HECW1: variants seen among roughly 807,000 people sequenced by gnomAD.
HECW1 encodes the protein E3 ubiquitin-protein ligase HECW1.
Under a neutral mutation model 182.3 loss-of-function variants are expected in HECW1, and 61 were observed. The ratio of observed to expected loss-of-function variants is 0.33; its 90% CI spans 0.27 to 0.41. The LOEUF is 0.41. Ranked by LOEUF, HECW1 falls within the 10% of genes least tolerant of loss-of-function variation. HECW1 has a pLI of 1.00. For missense variants in HECW1, 1,739 were observed against 2,108.9 expected (o/e 0.82, Z 3.44); for synonymous variants, 859 against 832.6 (o/e 1.03, Z -0.55).
chr7:43,146,188 A>G (rs1458180876), intron 2 of HECW1, among the ~76,000 whole-genome samples: 1 of 152,110 alleles, frequency 6.6e-6, no homozygotes. Context: ...TTTCTGTGGT[A>G]TTGGATTTAG....
At chr7:43,396,936 A>G (rs1231437147) in intron 7 of HECW1, 47 bp downstream of exon 7, 7 of 1,368,992 alleles carry the variant, frequency 5.1e-6, no homozygotes, top group Non-Finnish European at 4.2e-6. Context: ...AAGAATGTCA[A>G]CCAAGAGTGA....
At chr7:43,415,894 A>C (rs1388426491) in intron 8 of HECW1, among the ~76,000 whole-genome samples, 2 of 127,450 alleles carry the variant, frequency 1.6e-5, no homozygotes, top group Non-Finnish European at 3.3e-5. Flanking sequence ...TCCTTTAAGC[A>C]CTTCTCTGTA....
intron 17 of HECW1, chr7:43,484,196 G>C (rs533862775): frequency 4.3e-4 from 65 of 152,416 alleles, no homozygotes; most frequent in African/African-American, 1.5e-3. Context: ...TTCCAGCTGT[G>C]TGATTCTCAG....
intron 17 of HECW1, among the ~76,000 whole-genome samples, chr7:43,483,925 G>C (rs2078532555): frequency 6.6e-6 from 1 of 152,066 alleles, no homozygotes; most frequent in Non-Finnish European, 1.5e-5. Flanking sequence ...TTCGAGAGAG[G>C]CCTGCTAGAG....
intron 4 of HECW1, among the ~76,000 whole-genome samples, chr7:43,319,251 G>T (rs1809728380): frequency 6.6e-6 from 1 of 151,402 alleles, no homozygotes. Flanking sequence ...GCCGGGCGCG[G>T]TGGCGGGCGC....
chr7:43,305,727 CA>C (rs1807469893), intron 3 of HECW1, among the ~76,000 whole-genome samples: 4 of 151,654 alleles, frequency 2.6e-5, no homozygotes, highest in Admixed American at 2.6e-4. Flanking sequence ...ACAGCTTCAG[CA>C]GCTGCGATTA....
At chr7:43,115,841 G>T (rs538378834) in intron 2 of HECW1, among the ~76,000 whole-genome samples, 6 of 152,276 alleles carry the variant, frequency 3.9e-5, no homozygotes, top group African/African-American at 1.2e-4. Flanking sequence ...TGTTCATAGA[G>T]CTAAGATAGC....
chr7:43,360,525 G>T (rs544306224), intron 5 of HECW1, among the ~76,000 whole-genome samples: 12 of 152,144 alleles, frequency 7.9e-5, no homozygotes, highest in Non-Finnish European at 1.6e-4. Flanking sequence ...TAATCACAAT[G>T]AATTAAATAA....
chr7:43,168,662 A>AAAT (rs1196339674), intron 2 of HECW1, among the ~76,000 whole-genome samples: 50 of 152,248 alleles, frequency 3.3e-4, no homozygotes, highest in Non-Finnish European at 5.6e-4. Context: ...CCTGTCTCCA[A>AAAT]AATAATAATA....
chr7:43,320,695 G>A lies in HECW1; in HGVS notation c.413G>A (p.Arg138Gln), dbSNP rs367924457. 1.8e-5 allele frequency: 29 copies of A among 1,613,964 alleles called. No homozygotes were observed. Among genetic ancestry groups the A allele is most frequent in the Admixed American group, 3.3e-5 (2 of 60,000 alleles). The change falls in exon 5 of 30, where the codon CGG becomes CAG. Residue 138 changes from arginine (R) to glutamine (Q), a missense_variant. Physicochemically the swap from Arg to Gln is conservative, Grantham distance 43. Around this residue, in one of 5 missense-constraint regions of HECW1, gnomAD observed 279 missense variants for 353.1 expected, o/e 0.79. Transcript: ENST00000395891. ...YKNRGVNGSHRGQIIWKIDAS... is the reference protein window; with the variant it reads ...YKNRGVNGSHQGQIIWKIDAS... ...AACCGTGGAGTCAATGGTTCTCATC[G>A]GGGCCAGATCATCTGGAAGATCGAT...
intron 3 of HECW1, among the ~76,000 whole-genome samples, chr7:43,299,361 A>T (rs1806451620): frequency 6.6e-6 from 1 of 152,182 alleles, no homozygotes; most frequent in African/African-American, 2.4e-5. Context: ...TGTATCAGAG[A>T]CAAGCTTAGG....
rs2074291041 is a variant in HECW1 at position 43,375,632 on chromosome 7, C to T, written c.555+14652C>T. Among the ~76,000 whole-genome samples the T allele has an allele frequency of 4.6e-5, 7 of 152,174 alleles. No homozygotes were observed. The South Asian group carries it at 1.5e-3, about 32-fold the overall frequency. On this transcript the variant is annotated intron_variant, in intron 6 of 29. Transcript: ENST00000395891. ...GCTCCAGGCCAGGCATGGTGGCTCA[C>T]CAATAATCCCAGCAGTTTGGGAGGC...
At chr7:43,140,941 T>C (rs1007122930) in intron 2 of HECW1, among the ~76,000 whole-genome samples, 39 of 152,170 alleles carry the variant, frequency 2.6e-4, no homozygotes, top group African/African-American at 9.4e-4. Context: ...GGGTCCCTTC[T>C]TCCTAGGACA....
chr7:43,319,908 C>T (rs991006978), intron 4 of HECW1, among the ~76,000 whole-genome samples: 3 of 151,614 alleles, frequency 2.0e-5, no homozygotes, highest in African/African-American at 7.3e-5. Flanking sequence ...CCACTGCACC[C>T]CGCCTCCTTT....
At chr7:43,460,934 T>C (rs1192371839) in intron 13 of HECW1, among the ~76,000 whole-genome samples, 1 of 152,218 alleles carries the variant, frequency 6.6e-6, no homozygotes, top group Non-Finnish European at 1.5e-5. Context: ...AAGTAGGTTG[T>C]GACACTGCTG....
intron 21 of HECW1, 61 bp from the exon 22 acceptor site, chr7:43,507,076 G>A (rs902384382): frequency 5.7e-5 from 90 of 1,569,590 alleles, no homozygotes; most frequent in African/African-American, 3.3e-4. Flanking sequence ...TCTCAAAAAA[G>A]AAAAAAAGAA....
intron 24 of HECW1, among the ~76,000 whole-genome samples, chr7:43,530,116 A>ATTTTT (rs35892407): frequency 1.6e-5 from 2 of 121,268 alleles, no homozygotes; most frequent in Non-Finnish European, 3.4e-5. Context: ...TGCTTGGCTA[A>ATTTTT]TTTTTTTTTT....
chr7:43,479,537 C>T, intron 16 of HECW1, 73 bp from the exon 17 acceptor site: 1 of 1,576,050 alleles, frequency 6.3e-7, no homozygotes, highest in Non-Finnish European at 8.7e-7. Flanking sequence ...CTGTAGCACT[C>T]CTGTATATTA....
intron 8 of HECW1, among the ~76,000 whole-genome samples, chr7:43,433,321 G>A (rs1024213006): frequency 5.9e-5 from 9 of 152,364 alleles, no homozygotes; most frequent in African/African-American, 2.2e-4. Context: ...ATTACTGAGA[G>A]AACAGTGGTT....
Sources: allele counts gnomAD v4.1 joint callset (sites outside exome capture counted in the v4.1 genomes callset), GRCh38; gene constraint gnomAD v4.1.1; regional missense constraint gnomAD v4.1.1; transcripts MANE v1.5; gene names NCBI Gene and HGNC (gene_info 2026-07-23, HGNC 2026-07-21).